C1QTNF3: variants seen among roughly 807,000 people sequenced by gnomAD.
C1QTNF3 encodes the protein complement C1q tumor necrosis factor-related protein 3.
A neutral mutation model predicts 32.6 loss-of-function variants in C1QTNF3; 26 were observed. The observed-to-expected ratio is 0.80, with a 90% confidence interval of 0.58 to 1.11. C1QTNF3 has a LOEUF of 1.11. Among genes scored for constraint, C1QTNF3 ranks in the 50% least tolerant of loss-of-function variants. C1QTNF3 has a pLI of 0.00. For synonymous variants in C1QTNF3, 155 were observed against 146.0 expected, an observed-to-expected ratio of 1.06 and a Z score of -0.44; for missense variants, 362 against 398.2, an observed-to-expected ratio of 0.91 and a Z score of 0.77.
the C1QTNF3 span, among the ~76,000 whole-genome samples, chr5:34,137,864 A>AT: frequency 2.0e-5 from 3 of 152,204 alleles, no homozygotes; most frequent in African/African-American, 7.2e-5. Flanking sequence ...CTGATTTGTG[A>AT]TCCCCCCAAT....
chr5:34,238,342 T>C, the C1QTNF3 span, among the ~76,000 whole-genome samples: 2 of 152,138 alleles, frequency 1.3e-5, no homozygotes, highest in East Asian at 3.9e-4. Flanking sequence ...GGGAAGCTCA[T>C]GAACATTAAG....
chr5:34,028,880 C>T lies in C1QTNF3; in HGVS notation c.574G>A (p.Ala192Thr). The stretch of plus-strand genomic sequence containing the variant: ...TGGGTTGCCAGAGAAGCCATGAATG[C>T]AATCTAAGGAAAGAATTATTGGTCA... ...YPGIPPELQI[A>T]FMASLATHFS... Residue 192 changes from alanine to threonine, a missense_variant, in exon 4 of 6, where the codon GCA (alanine) becomes ACA (threonine). Ala to Thr is a moderately conservative substitution (Grantham distance 58). Coordinates refer to ENST00000382065, the MANE Select transcript of C1QTNF3 (RefSeq NM_181435.6). 6.2e-7 allele frequency: 1 copy of T among 1,607,426 alleles called. No individual in the cohort carries two copies. The highest frequency in any genetic ancestry group is 2.2e-5 in the East Asian group (1 of 44,578).
At chr5:34,096,546 TAATA>T in the C1QTNF3 span, among the ~76,000 whole-genome samples, 2 of 136,134 alleles carry the variant, frequency 1.5e-5, no homozygotes, top group Admixed American at 7.7e-5. Context: ...ATTACAATAA[TAATA>T]AATAATAATT....
chr5:34,081,929 T>C, the C1QTNF3 span, among the ~76,000 whole-genome samples: 2 of 151,756 alleles, frequency 1.3e-5, no homozygotes, highest in Non-Finnish European at 2.9e-5. Flanking sequence ...GAATAAAATA[T>C]TAAAGGTTAA....
chr5:34,102,968 C>T, the C1QTNF3 span, among the ~76,000 whole-genome samples: 7 of 151,998 alleles, frequency 4.6e-5, no homozygotes, highest in Admixed American at 3.3e-4. Flanking sequence ...TACCCTAGAA[C>T]TTAAAGTATA....
the C1QTNF3 span, among the ~76,000 whole-genome samples, chr5:34,048,327 T>C: frequency 1.0e-5 from 1 of 95,560 alleles, no homozygotes; most frequent in Non-Finnish European, 2.1e-5. Context: ...AGATAACTTG[T>C]TGGATAATGT....
At chr5:34,244,255 A>T in the C1QTNF3 span, among the ~76,000 whole-genome samples, 16 of 152,326 alleles carry the variant, frequency 1.1e-4, no homozygotes, top group East Asian at 2.5e-3. Context: ...ATGTCTCTAT[A>T]TAGTTTTCTG....
the C1QTNF3 span, among the ~76,000 whole-genome samples, chr5:34,213,791 A>ATATATATATATATATATG: frequency 1.8e-4 from 1 of 5,434 alleles, no homozygotes; most frequent in Non-Finnish European, 6.7e-4. Context: ...ATATACATAT[A>ATATATATATATATATATG]TATATATATA....
At chr5:34,055,451 C>A in the C1QTNF3 span, among the ~76,000 whole-genome samples, 5 of 152,198 alleles carry the variant, frequency 3.3e-5, no homozygotes, top group African/African-American at 1.2e-4. Flanking sequence ...CCAATCAGCA[C>A]AGATGAGGCA....
chr5:34,050,132 A>G, the C1QTNF3 span, among the ~76,000 whole-genome samples: 12 of 152,206 alleles, frequency 7.9e-5, no homozygotes, highest in African/African-American at 2.7e-4. Context: ...ATTCCAGAGA[A>G]GATAGGATAA....
At chr5:34,056,454 G>GTGTGTGCA in the C1QTNF3 span, among the ~76,000 whole-genome samples, 1 of 48,966 alleles carries the variant, frequency 2.0e-5, no homozygotes, top group African/African-American at 8.4e-5. Flanking sequence ...GTGTGTGTGT[G>GTGTGTGCA]TATATATATA....
chr5:34,035,684 T>C lies in C1QTNF3; in HGVS notation c.378A>G (p.Gln126=), dbSNP rs896490603. 19 of 1,611,670 alleles carry C rather than the reference T, an allele frequency of 1.2e-5. No homozygotes were observed. In the African/African-American group the frequency reaches 2.5e-4, roughly 22 times the overall value. ...GAGGGCCCGGTGGCCCAGGGGGGCC[T>C]TGGTAGCCTCGAAAGCTGTAGTCTC... is the stretch of plus-strand genomic sequence containing the variant. ...CHGDYSFRGY[Q]GPPGPPGPPG... The change falls in exon 2 of 6, where the codon CAA becomes CAG. Residue 126 remains glutamine, a synonymous_variant. Transcript: ENST00000382065.
At chr5:34,092,058 ATTAT>A in the C1QTNF3 span, among the ~76,000 whole-genome samples, 12 of 151,208 alleles carry the variant, frequency 7.9e-5, no homozygotes, top group Admixed American at 5.9e-4. Context: ...ACAGGAACAA[ATTAT>A]TTATAGTCCC....
At chr5:34,139,629 C>A in the C1QTNF3 span, among the ~76,000 whole-genome samples, 1 of 152,040 alleles carries the variant, frequency 6.6e-6, no homozygotes, top group Non-Finnish European at 1.5e-5. Flanking sequence ...TGACAAACTG[C>A]ATCAACTAAA....
At chr5:34,244,525 T>G in the C1QTNF3 span, 4 of 152,260 alleles carry the variant, frequency 2.6e-5, no homozygotes, top group South Asian at 8.3e-4. Flanking sequence ...AGCTGCTTGG[T>G]CTGTTTACAA....
At chr5:34,041,748 G>A (rs1219146372) in intron 1 of C1QTNF3, among the ~76,000 whole-genome samples, 4 of 151,976 alleles carry the variant, frequency 2.6e-5, no homozygotes, top group Non-Finnish European at 4.4e-5. Flanking sequence ...CAACTGCCTT[G>A]TGTGGTCAAG....
chr5:34,158,852 T>G, the C1QTNF3 span: 4 of 152,144 alleles, frequency 2.6e-5, no homozygotes, highest in African/African-American at 9.6e-5. Context: ...TCAGAGATTT[T>G]GGTTACAACC....
the C1QTNF3 span, among the ~76,000 whole-genome samples, chr5:34,084,223 A>T: frequency 6.6e-6 from 1 of 151,856 alleles, no homozygotes; most frequent in East Asian, 1.9e-4. Context: ...CAAAATATTT[A>T]TTTGTGAAGG....
At chr5:34,219,073 T>C in the C1QTNF3 span, among the ~76,000 whole-genome samples, 3 of 152,120 alleles carry the variant, frequency 2.0e-5, no homozygotes, top group South Asian at 6.2e-4. Context: ...TTTTAAAAGA[T>C]CACAAAGTAT....
Sources: gnomAD v4.1 joint callset for allele counts (sites outside exome capture counted in the v4.1 genomes callset) on GRCh38, gnomAD v4.1.1 for gene constraint, MANE v1.5 for transcripts, NCBI Gene and HGNC (gene_info 2026-07-23, HGNC 2026-07-21) for gene names.